The following FAT3 variants were observed in gnomAD, a reference collection of about 807,000 sequenced individuals.
FAT3 encodes the protein protocadherin Fat 3.
A neutral mutation model predicts 310.2 loss-of-function variants in FAT3; 95 were observed. The ratio of observed to expected loss-of-function variants is 0.31; its 90% CI spans 0.26 to 0.36. FAT3 has a LOEUF of 0.36. Ranked by LOEUF, FAT3 falls within the 10% of genes least tolerant of loss-of-function variation. The probability of loss-of-function intolerance (pLI) is 1.00; values close to 1 mark genes in which losing one functional copy is unlikely to be tolerated. For missense variants in FAT3, 5,408 were observed against 5,715.6 expected (o/e 0.95, Z 1.74); for synonymous variants, 2,314 against 2,192.9 (o/e 1.06, Z -1.54).
intron 2 of FAT3, among the ~76,000 whole-genome samples, chr11:92,489,887 CTTT>C (rs566218023): frequency 2.1e-5 from 3 of 139,952 alleles, no homozygotes; most frequent in Admixed American, 7.2e-5. Context: ...TTTTCTTTTT[CTTT>C]TTTTTTTTTT....
rs796383082 is a variant in FAT3, at chr11:92,798,930, A to G, written c.5917A>G (p.Lys1973Glu). The G allele has an allele frequency of 3.7e-6, 6 of 1,614,042 alleles. No individual in the cohort carries two copies. In the African/African-American group the frequency reaches 6.7e-5, roughly 18 times the overall value. The change falls in exon 10 of 28, where the codon AAA becomes GAA. Residue 1973 changes from lysine (K) to glutamate (E), a missense_variant. By Grantham distance (56) the Lys-to-Glu change is moderately conservative (BLOSUM62 1). Transcript: ENST00000525166. ...YSTSMVTIMVKEAMDSGLHFT... is the reference protein window; with the variant it reads ...YSTSMVTIMVEEAMDSGLHFT... The stretch of plus-strand genomic sequence containing the variant: ...TACCTCCATGGTCACCATCATGGTT[A>G]AAGAAGCCATGGACAGCGGCCTCCA...
chr11:92,615,538 C>T (rs1203741999), intron 3 of FAT3, among the ~76,000 whole-genome samples: 7 of 152,098 alleles, frequency 4.6e-5, no homozygotes, highest in African/African-American at 9.7e-5. Flanking sequence ...TAAGCCACCG[C>T]GCCTGACCTA....
At chr11:92,534,063 T>C (rs1419425009) in intron 3 of FAT3, among the ~76,000 whole-genome samples, 2 of 152,208 alleles carry the variant, frequency 1.3e-5, no homozygotes, top group African/African-American at 4.8e-5. Flanking sequence ...TGGGAAACAG[T>C]GAATTTTAAT....
chr11:92,889,977 C>T, intron 27 of FAT3, 86 bp downstream of exon 27: 1 of 717,390 alleles, frequency 1.4e-6, no homozygotes, highest in Non-Finnish European at 2.6e-6. Context: ...TGTGCCTCTG[C>T]CCTGATCTGA....
At chr11:92,373,734 GAGAC>G (rs935941453) in intron 2 of FAT3, among the ~76,000 whole-genome samples, 2 of 151,070 alleles carry the variant, frequency 1.3e-5, no homozygotes, top group African/African-American at 2.4e-5. Context: ...GGTTTCCAGA[GAGAC>G]AGAACCAGTG....
intron 1 of FAT3, among the ~76,000 whole-genome samples, chr11:92,292,532 A>G (rs183188217): frequency 6.6e-6 from 1 of 152,096 alleles, no homozygotes; most frequent in Admixed American, 6.6e-5. Flanking sequence ...AAAACACAGA[A>G]TGAGGATGCT....
chr11:92,672,884 A>T (rs769170726), intron 3 of FAT3, among the ~76,000 whole-genome samples: 2 of 152,182 alleles, frequency 1.3e-5, no homozygotes, highest in Non-Finnish European at 2.9e-5. Flanking sequence ...GGAGGAATTT[A>T]TGATTCCTCT....
intron 22 of FAT3, among the ~76,000 whole-genome samples, chr11:92,873,646 A>G (rs1949449349): frequency 6.6e-6 from 1 of 152,182 alleles, no homozygotes. Flanking sequence ...CCATTTTTGC[A>G]TTTAATATGT....
intron 3 of FAT3, among the ~76,000 whole-genome samples, chr11:92,558,402 A>ATGTGTGTGTGTG (rs58362077): frequency 0.056 from 8,373 of 149,936 alleles, 281 homozygotes; most frequent in East Asian, 0.092. Context: ...TGTTGTGTTT[A>ATGTGTGTGTGTG]TGTGTGTGTG....
intron 2 of FAT3, among the ~76,000 whole-genome samples, chr11:92,388,485 A>G (rs948217774): frequency 6.6e-6 from 1 of 152,220 alleles, no homozygotes; most frequent in Non-Finnish European, 1.5e-5. Context: ...AGACATGGCT[A>G]TAATTTAATT....
intron 3 of FAT3, among the ~76,000 whole-genome samples, chr11:92,567,763 A>G (rs1433353439): frequency 6.6e-6 from 1 of 152,158 alleles, no homozygotes; most frequent in South Asian, 2.1e-4. Flanking sequence ...GGAAATCATC[A>G]TTCTCAGTAA....
intron 1 of FAT3, among the ~76,000 whole-genome samples, chr11:92,308,488 C>G (rs1231525597): frequency 3.3e-5 from 5 of 152,060 alleles, no homozygotes; most frequent in African/African-American, 1.2e-4. Flanking sequence ...GAAAAAAATA[C>G]TATTTTTAAG....
intron 3 of FAT3, among the ~76,000 whole-genome samples, chr11:92,643,669 G>A (rs754061168): frequency 6.6e-6 from 1 of 152,226 alleles, no homozygotes; most frequent in Non-Finnish European, 1.5e-5. Context: ...GATGAAGACA[G>A]TCCCTGGCAT....
At chr11:92,361,510 C>G (rs1385928550) in intron 2 of FAT3, among the ~76,000 whole-genome samples, 1 of 152,158 alleles carries the variant, frequency 6.6e-6, no homozygotes, top group Non-Finnish European at 1.5e-5. Flanking sequence ...CAGCTAGCTC[C>G]CCTGCTCTTC....
chr11:92,687,797 A>C lies in FAT3; in HGVS notation c.3608-9587A>C, dbSNP rs1252685499. ...GTGTAACGCTATAGGCGGTAAAAGAAAGTATGCCTGAATGCAGAAGTGAAA... is the reference window on the plus strand; with the variant it reads ...GTGTAACGCTATAGGCGGTAAAAGACAGTATGCCTGAATGCAGAAGTGAAA... On this transcript the variant is annotated intron_variant, in intron 3 of 27. Coordinates refer to ENST00000525166, the MANE Select transcript of FAT3 (RefSeq NM_001367949.2). Among the ~76,000 whole-genome samples, 5 of 152,164 alleles carry C rather than the reference A, an allele frequency of 3.3e-5. No homozygotes were observed. In the East Asian group the frequency reaches 9.7e-4, roughly 29 times the overall value.
intron 2 of FAT3, among the ~76,000 whole-genome samples, chr11:92,476,453 T>G (rs1952055021): frequency 6.6e-6 from 1 of 152,164 alleles, no homozygotes; most frequent in Non-Finnish European, 1.5e-5. Flanking sequence ...AGTTTAGAAT[T>G]TCCTTGGTCT....
intron 1 of FAT3, among the ~76,000 whole-genome samples, chr11:92,341,248 G>C (rs1034052339): frequency 6.6e-6 from 1 of 152,190 alleles, no homozygotes; most frequent in East Asian, 1.9e-4. Context: ...TACAGGAAGA[G>C]GATCCCACTG....
chr11:92,851,640 A>G (rs954212788), intron 19 of FAT3, among the ~76,000 whole-genome samples: 4 of 152,166 alleles, frequency 2.6e-5, no homozygotes, highest in Admixed American at 6.5e-5. Context: ...CTGACATACC[A>G]TAAATGGCGT....
chr11:92,574,637 C>A (rs952116648), intron 3 of FAT3, among the ~76,000 whole-genome samples: 1 of 152,128 alleles, frequency 6.6e-6, no homozygotes, highest in Non-Finnish European at 1.5e-5. Flanking sequence ...TAGGAAACAT[C>A]GTTTTGGCTC....
Sources: allele counts gnomAD v4.1 joint callset (sites outside exome capture counted in the v4.1 genomes callset), GRCh38; gene constraint gnomAD v4.1.1; transcripts MANE v1.5; gene names NCBI Gene and HGNC (gene_info 2026-07-23, HGNC 2026-07-21).